The following PPP2R2B variants were observed in gnomAD, a reference collection of about 807,000 sequenced individuals.
PPP2R2B encodes the protein serine/threonine-protein phosphatase 2A 55 kDa regulatory subunit B beta isoform.
In PPP2R2B, 5 loss-of-function variants were observed where a neutral mutation model predicts 46.0. That is an observed-to-expected ratio of 0.11 (90% confidence interval 0.06 to 0.23). The LOEUF (loss-of-function observed/expected upper bound fraction) is 0.23, where lower values mean the gene tolerates loss of function less well. PPP2R2B is among the 10% of genes least tolerant of loss of function. The pLI is 1.00. For missense variants in PPP2R2B, 367 were observed against 575.0 expected, an observed-to-expected ratio of 0.64 and a Z score of 3.70; for synonymous variants, 215 against 206.7, an observed-to-expected ratio of 1.04 and a Z score of -0.34.
At chr5:146,701,430 T>C (rs1779530849) in intron 2 of PPP2R2B, among the ~76,000 whole-genome samples, 1 of 152,192 alleles carries the variant, frequency 6.6e-6, no homozygotes, top group Non-Finnish European at 1.5e-5. Flanking sequence ...TCATGATGGC[T>C]GAAGGAAATG....
chr5:147,008,348 C>A (rs889780605), intron 1 of PPP2R2B, among the ~76,000 whole-genome samples: 2 of 152,060 alleles, frequency 1.3e-5, no homozygotes, highest in Non-Finnish European at 2.9e-5. Context: ...ATGCATAAAA[C>A]ATTTATGAAT....
intron 1 of PPP2R2B, among the ~76,000 whole-genome samples, chr5:146,966,496 G>A (rs373748887): frequency 1.3e-5 from 2 of 152,132 alleles, no homozygotes; most frequent in African/African-American, 2.4e-5. Flanking sequence ...GCCAAAGATC[G>A]GCCTCCTCTG....
intron 2 of PPP2R2B, among the ~76,000 whole-genome samples, chr5:146,725,282 C>T (rs1751793669): frequency 6.6e-6 from 1 of 151,990 alleles, no homozygotes; most frequent in Non-Finnish European, 1.5e-5. Flanking sequence ...AAATATATTG[C>T]AGATTAGATT....
rs143459024 is a variant in PPP2R2B at position 146,928,622 on chromosome 5, T to C, written c.79+127043A>G. ...AGAAATACCATCTTTCACAGGACTA[T>C]TGCAACTGGTTTTACTACTTCTAAC... On this transcript the variant is annotated intron_variant, in intron 1 of 8. Transcript: ENST00000336640. Among the ~76,000 whole-genome samples, 1,186 of 152,278 alleles carry C rather than the reference T, an allele frequency of 7.8e-3. 13 individuals are homozygous for C. Among genetic ancestry groups the C allele is most frequent in the Admixed American group, 0.024 (363 of 15,286 alleles).
At chr5:146,836,127 C>T (rs1409905620) in intron 2 of PPP2R2B, among the ~76,000 whole-genome samples, 1 of 152,128 alleles carries the variant, frequency 6.6e-6, no homozygotes, top group African/African-American at 2.4e-5. Context: ...ACAGAAAATT[C>T]CCTATAAGGT....
At chr5:146,777,157 AATAG>A (rs1755235029) in intron 2 of PPP2R2B, among the ~76,000 whole-genome samples, 1 of 152,140 alleles carries the variant, frequency 6.6e-6, no homozygotes, top group Admixed American at 6.5e-5. Flanking sequence ...CAGTGACTCA[AATAG>A]ATACTTATAT....
chr5:146,801,311 G>T (rs1756852416), intron 2 of PPP2R2B, among the ~76,000 whole-genome samples: 1 of 152,074 alleles, frequency 6.6e-6, no homozygotes, highest in African/African-American at 2.4e-5. Flanking sequence ...TGCTAAAAGG[G>T]CAGATATTAA....
chr5:146,810,573 A>G (rs1389553455), intron 2 of PPP2R2B, among the ~76,000 whole-genome samples: 1 of 152,194 alleles, frequency 6.6e-6, no homozygotes, highest in Non-Finnish European at 1.5e-5. Flanking sequence ...AAAGTCACAC[A>G]GCTGGTGAAT....
intron 2 of PPP2R2B, among the ~76,000 whole-genome samples, chr5:146,755,888 A>T (rs926498589): frequency 6.6e-6 from 1 of 152,176 alleles, no homozygotes; most frequent in Non-Finnish European, 1.5e-5. Context: ...ATGCATTTTC[A>T]GTGGAATTGG....
chr5:147,027,118 T>G (rs1755561094), intron 1 of PPP2R2B, among the ~76,000 whole-genome samples: 1 of 152,218 alleles, frequency 6.6e-6, no homozygotes, highest in Non-Finnish European at 1.5e-5. Context: ...AAGGAACTAC[T>G]GACATGCAAT....
chr5:146,645,030 G>A (rs1192787318), intron 6 of PPP2R2B, among the ~76,000 whole-genome samples: 1 of 152,214 alleles, frequency 6.6e-6, no homozygotes, highest in Non-Finnish European at 1.5e-5. Flanking sequence ...CCAAGCTGAA[G>A]AGTGGAATCT....
intron 7 of PPP2R2B, among the ~76,000 whole-genome samples, chr5:146,608,922 C>T (rs1772569367): frequency 6.6e-6 from 1 of 152,194 alleles, no homozygotes; most frequent in Admixed American, 6.5e-5. Flanking sequence ...TACTTCCAAA[C>T]TCCTTCTATG....
intron 7 of PPP2R2B, among the ~76,000 whole-genome samples, chr5:146,605,924 G>A (rs1450917912): frequency 6.6e-6 from 1 of 152,118 alleles, no homozygotes; most frequent in Non-Finnish European, 1.5e-5. Flanking sequence ...GTTATAACAT[G>A]TACAGATATG....
chr5:147,019,435 T>C (rs1185710089), intron 1 of PPP2R2B, among the ~76,000 whole-genome samples: 2 of 152,098 alleles, frequency 1.3e-5, no homozygotes, highest in African/African-American at 4.8e-5. Context: ...ATGTTTGGAG[T>C]GGAATGTATG....
intron 2 of PPP2R2B, among the ~76,000 whole-genome samples, chr5:146,773,548 T>C (rs1754997970): frequency 6.6e-6 from 1 of 152,188 alleles, no homozygotes; most frequent in South Asian, 2.1e-4. Flanking sequence ...AATAATGAAT[T>C]ATGGCCTATC....
intron 1 of PPP2R2B, among the ~76,000 whole-genome samples, chr5:147,020,995 G>A (rs1226642509): frequency 2.6e-5 from 4 of 152,098 alleles, no homozygotes; most frequent in African/African-American, 9.7e-5. Context: ...GAGCTTCTTT[G>A]ACACACAGAA....
At chr5:146,819,410 T>C (rs1185389917) in intron 2 of PPP2R2B, among the ~76,000 whole-genome samples, 4 of 152,156 alleles carry the variant, frequency 2.6e-5, no homozygotes, top group Non-Finnish European at 4.4e-5. Context: ...GATGGGAGTA[T>C]GCAGAGAGAG....
At chr5:146,977,753 A>G (rs1410364648) in intron 1 of PPP2R2B, among the ~76,000 whole-genome samples, 1 of 151,978 alleles carries the variant, frequency 6.6e-6, no homozygotes, top group Non-Finnish European at 1.5e-5. Flanking sequence ...TATGTGCCAC[A>G]TTTTCTTTAT....
intron 1 of PPP2R2B, among the ~76,000 whole-genome samples, chr5:147,041,836 C>T (rs1212466383): frequency 2.0e-5 from 3 of 152,102 alleles, no homozygotes; most frequent in African/African-American, 7.2e-5. Context: ...CAGTGTAATG[C>T]CCAACCTTGT....
Sources: allele counts gnomAD v4.1 joint callset (sites outside exome capture counted in the v4.1 genomes callset), GRCh38; gene constraint gnomAD v4.1.1; transcripts MANE v1.5; gene names NCBI Gene and HGNC (gene_info 2026-07-23, HGNC 2026-07-21).